GREB1L: variants seen among roughly 807,000 people sequenced by gnomAD.
GREB1L encodes the protein GREB1-like protein.
Under a neutral mutation model 200.8 loss-of-function variants are expected in GREB1L, and 17 were observed. The ratio of observed to expected loss-of-function variants is 0.08; its 90% confidence interval spans 0.06 to 0.13. The LOEUF is 0.13. Among genes scored for constraint, GREB1L ranks in the 10% least tolerant of loss-of-function variants. The pLI, the probability that GREB1L is intolerant of heterozygous loss-of-function variation, is 1.00. For missense variants in GREB1L, 1,657 were observed against 2,367.7 expected, an observed-to-expected ratio of 0.70 and a Z score of 6.23; for synonymous variants, 789 against 893.0, an observed-to-expected ratio of 0.88 and a Z score of 2.08.
At chr18:21,362,723 G>A (rs769934079) in intron 1 of GREB1L, among the ~76,000 whole-genome samples, 2 of 152,060 alleles carry the variant, frequency 1.3e-5, no homozygotes, top group African/African-American at 4.8e-5. Flanking sequence ...TATGTTCTTC[G>A]AAATTTCCCC....
At chr18:21,492,534 C>T (rs1165953773) in intron 19 of GREB1L, among the ~76,000 whole-genome samples, 3 of 152,018 alleles carry the variant, frequency 2.0e-5, no homozygotes, top group Non-Finnish European at 4.4e-5. Flanking sequence ...TTCAGAAGGG[C>T]CAGTCACTAA....
intron 1 of GREB1L, among the ~76,000 whole-genome samples, chr18:21,354,434 G>C (rs1402967971): frequency 2.6e-5 from 4 of 152,120 alleles, no homozygotes; most frequent in African/African-American, 9.7e-5. Flanking sequence ...ACAACAACAA[G>C]AAGTTTAAAA....
chr18:21,257,004 CAA>C (rs747739158), intron 1 of GREB1L, among the ~76,000 whole-genome samples: 90 of 62,104 alleles, frequency 1.4e-3, no homozygotes, highest in Non-Finnish European at 2.1e-3. Context: ...GACTCCGTCT[CAA>C]AAAAAAAAAA....
chr18:21,402,992 T>C (rs1216128593), intron 6 of GREB1L, among the ~76,000 whole-genome samples: 2 of 152,084 alleles, frequency 1.3e-5, no homozygotes, highest in African/African-American at 4.8e-5. Context: ...TAGGCCAGAA[T>C]ACAATAGCTC....
At chr18:21,410,489 C>T (rs2030842370) in intron 7 of GREB1L, among the ~76,000 whole-genome samples, 1 of 151,640 alleles carries the variant, frequency 6.6e-6, no homozygotes, top group African/African-American at 2.4e-5. Context: ...AACCCTGTCT[C>T]TCCAAAAACA....
rs1292945477 is a variant in GREB1L, at chr18:21,429,129, T to TCCTTCCTTCCTTCCTTCCTC, written c.833-10385_833-10366dup. On this transcript the variant is annotated intron_variant, in intron 7 of 32. Transcript: ENST00000424526. ...ATTCTCCCTTCCTTCCTTCCTTCCT[T>TCCTTCCTTCCTTCCTTCCTC]CCTTCCTTCCTTCCTTCCTCCCTTC... Among the ~76,000 whole-genome samples the TCCTTCCTTCCTTCCTTCCTC allele has an allele frequency of 4.6e-4, 60 of 130,878 alleles. 1 individual carries two copies. The highest frequency in any genetic ancestry group is 1.9e-3 in the African/African-American group (58 of 30,482). The allele number at this position is 130,878 out of a possible 152,430, so 85.9% of individuals were successfully genotyped here. A position where few individuals can be genotyped will look rare whatever the true frequency, so the allele number is the denominator to read the frequency against.
chr18:21,485,537 C>T, intron 17 of GREB1L, 83 bp from the exon 18 acceptor site: 1 of 1,277,390 alleles, frequency 7.8e-7, no homozygotes, highest in South Asian at 1.6e-5. Context: ...TTACAGCGGT[C>T]ATTTCTGTAA....
chr18:21,495,616 A>G (rs1246376594), intron 19 of GREB1L, 54 bp from the exon 20 acceptor site: 9 of 944,424 alleles, frequency 9.5e-6, no homozygotes, highest in Non-Finnish European at 1.5e-5. Flanking sequence ...CCTGTAAAAA[A>G]GGTGGAAACT....
chr18:21,364,919 T>A (rs971403944), intron 1 of GREB1L, among the ~76,000 whole-genome samples: 14 of 151,932 alleles, frequency 9.2e-5, no homozygotes, highest in African/African-American at 3.4e-4. Flanking sequence ...TTGTTGACCA[T>A]ATGGGGTAAT....
At chr18:21,249,708 A>G (rs762308319) in intron 1 of GREB1L, among the ~76,000 whole-genome samples, 3 of 152,020 alleles carry the variant, frequency 2.0e-5, no homozygotes, top group Non-Finnish European at 4.4e-5. Context: ...AAAAAATACA[A>G]AATTAGCCAG....
intron 2 of GREB1L, among the ~76,000 whole-genome samples, chr18:21,375,712 T>G (rs1317694923): frequency 2.0e-5 from 3 of 152,208 alleles, no homozygotes; most frequent in Admixed American, 6.5e-5. Flanking sequence ...TTTACCTGTT[T>G]CCTTGTAGGG....
At chr18:21,281,201 T>C (rs2038263722) in intron 1 of GREB1L, among the ~76,000 whole-genome samples, 1 of 152,256 alleles carries the variant, frequency 6.6e-6, no homozygotes, top group Non-Finnish European at 1.5e-5. Context: ...TTTGTCTCCA[T>C]ACCTGGAACC....
intron 1 of GREB1L, among the ~76,000 whole-genome samples, chr18:21,335,011 A>G (rs2039163744): frequency 6.6e-6 from 1 of 152,192 alleles, no homozygotes; most frequent in African/African-American, 2.4e-5. Flanking sequence ...CACTAGCTGT[A>G]TGAATTCAGT....
At chr18:21,429,138 CCTTCCTT>C (rs1428474957) in intron 7 of GREB1L, among the ~76,000 whole-genome samples, 3 of 136,130 alleles carry the variant, frequency 2.2e-5, no homozygotes, top group Admixed American at 1.5e-4. Flanking sequence ...TTCCTTCCTT[CCTTCCTT>C]CCTCCCTTCC....
intron 15 of GREB1L, among the ~76,000 whole-genome samples, chr18:21,461,663 G>A (rs561052244): frequency 2.0e-5 from 3 of 152,298 alleles, no homozygotes; most frequent in African/African-American, 4.8e-5. Context: ...TGTGCGTGGT[G>A]CTCATGCACA....
intron 1 of GREB1L, among the ~76,000 whole-genome samples, chr18:21,248,395 A>T (rs2037642228): frequency 6.6e-6 from 1 of 152,218 alleles, no homozygotes; most frequent in Admixed American, 6.5e-5. Context: ...AAACACATGG[A>T]CCTAATAATC....
intron 10 of GREB1L, among the ~76,000 whole-genome samples, chr18:21,442,187 T>C (rs2033937165): frequency 6.6e-6 from 1 of 152,068 alleles, no homozygotes; most frequent in Non-Finnish European, 1.5e-5. Flanking sequence ...AGGACTAACT[T>C]AGTGCTTTTC....
intron 1 of GREB1L, among the ~76,000 whole-genome samples, chr18:21,355,540 G>A (rs975073173): frequency 2.8e-4 from 42 of 152,242 alleles, no homozygotes; most frequent in Admixed American, 2.7e-3. Flanking sequence ...TGATTCACAG[G>A]AAGTAAGAAT....
chr18:21,375,189 C>T (rs372923603), intron 2 of GREB1L, among the ~76,000 whole-genome samples: 5 of 151,800 alleles, frequency 3.3e-5, no homozygotes, highest in African/African-American at 1.2e-4. Flanking sequence ...CTCAGCCTCC[C>T]GAGTAGCTGG....
Sources: allele counts gnomAD v4.1 joint callset (sites outside exome capture counted in the v4.1 genomes callset), GRCh38; gene constraint gnomAD v4.1.1; transcripts MANE v1.5; gene names NCBI Gene and HGNC (gene_info 2026-07-23, HGNC 2026-07-21).